The following KLRG2 variants were observed in gnomAD, a reference collection of about 807,000 sequenced individuals.
KLRG2 encodes the protein killer cell lectin like receptor G2, also known as killer cell lectin-like receptor subfamily G member 2.
In KLRG2, 39 loss-of-function variants were observed where a neutral mutation model predicts 35.4. That is an observed-to-expected ratio of 1.10 (90% CI 0.85 to 1.44). KLRG2 has a LOEUF of 1.44. KLRG2 is among the 40% of genes most tolerant of loss of function. The pLI, the probability that KLRG2 is intolerant of heterozygous loss-of-function variation, is 0.00. For missense variants in KLRG2, 632 were observed against 570.9 expected (o/e 1.11, Z -1.09); for synonymous variants, 283 against 265.8 (o/e 1.06, Z -0.63).
chr7:139,456,186 T>G (rs534077410), intron 3 of KLRG2, among the ~76,000 whole-genome samples: 8 of 152,158 alleles, frequency 5.3e-5, no homozygotes, highest in Non-Finnish European at 8.8e-5. Context: ...AGACAAGCCC[T>G]GGGAATTAGA....
rs548727211 is a variant in KLRG2 at position 139,480,859 on chromosome 7, T to G, written c.758-612A>C. On this transcript the variant is annotated intron_variant, in intron 1 of 4. Transcript: ENST00000340940. ...CCTGGGTTCAAGCAATTCTCATGCC[T>G]TAGCCTCCCAAGTAGCTGGGATTAC... Among the ~76,000 whole-genome samples the G allele has an allele frequency of 1.7e-3, 259 of 151,694 alleles. 2 individuals are homozygous for G. Among genetic ancestry groups the G allele is most frequent in the Non-Finnish European group, 2.7e-3 (183 of 67,894 alleles).
At chr7:139,449,064 C>A (rs905514950), downstream of KLRG2, among the ~76,000 whole-genome samples, 3 of 150,958 alleles carry the variant, frequency 2.0e-5, no homozygotes, top group Non-Finnish European at 4.4e-5. Context: ...CGAGATCGCA[C>A]CACTGCATTC....
the KLRG2 span, among the ~76,000 whole-genome samples, chr7:139,443,176 C>T: frequency 6.9e-6 from 1 of 145,616 alleles, no homozygotes. Flanking sequence ...CTCACTGCAA[C>T]CTCTGCCTCC....
chr7:139,479,750 G>T lies in KLRG2; in HGVS notation c.882C>A (p.Pro294=). The change falls in exon 3 of 5, where the codon CCC becomes CCA. Residue 294 remains proline, a synonymous_variant. Coordinates refer to ENST00000340940, the MANE Select transcript of KLRG2 (RefSeq NM_198508.4). ...GCTCCTCGGACAACACCCAGCCTGG[G>T]GGGCACTGCTGGCATCTGGCTCCTG... ...SRAGARCQQC[P]PGWVLSEEHC... 6.2e-7 allele frequency: 1 copy of T among 1,613,936 alleles called. No homozygotes were observed. Among genetic ancestry groups the T allele is most frequent in the Non-Finnish European group, 8.5e-7 (1 of 1,179,960 alleles).
rs142608351 is a variant in KLRG2, at chr7:139,465,177, G to A, written c.1006-10963C>T. 9.1e-3 allele frequency among the ~76,000 whole-genome samples: 1,391 copies of A among 152,252 alleles called. 26 individuals carry two copies. The highest frequency in any genetic ancestry group is 0.032 in the African/African-American group (1,320 of 41,540). On this transcript the variant is annotated intron_variant, in intron 3 of 4. Transcript: ENST00000340940. ...TCAGTGAGGCTACCACTCTGCCCCC[G>A]TCCACTACCTCTCAACTAGCCAAAC...
chr7:139,441,946 G>A, the KLRG2 span, among the ~76,000 whole-genome samples: 2 of 152,136 alleles, frequency 1.3e-5, no homozygotes, highest in African/African-American at 4.8e-5. Context: ...AGAACAAGCA[G>A]CAGAAATCCA....
chr7:139,449,194 G>A (rs964047624), downstream of KLRG2, among the ~76,000 whole-genome samples: 8 of 151,824 alleles, frequency 5.3e-5, no homozygotes, highest in African/African-American at 1.7e-4. Context: ...CTAAGATCAG[G>A]AGTTCAAGAC....
At chr7:139,433,116 T>C in the KLRG2 span, among the ~76,000 whole-genome samples, 1 of 152,216 alleles carries the variant, frequency 6.6e-6, no homozygotes, top group African/African-American at 2.4e-5. Flanking sequence ...TTTATACTGC[T>C]GTTTCTTGGC....
chr7:139,444,549 CCTT>C, the KLRG2 span, among the ~76,000 whole-genome samples: 3 of 152,176 alleles, frequency 2.0e-5, no homozygotes, highest in Non-Finnish European at 4.4e-5. Flanking sequence ...AGAGCTTGCT[CCTT>C]CTCTCCATGC....
In KLRG2 at chr7:139,453,224, C is replaced by T. The variant is rs1585160332; in HGVS notation, c.*363G>A. The T allele has an allele frequency of 2.4e-6, 1 of 416,460 alleles. No homozygotes were observed. Among genetic ancestry groups the T allele is most frequent in the South Asian group, 5.7e-5 (1 of 17,630 alleles). The allele number at this position is 416,460 out of a possible 1,614,324, so 25.8% of individuals were successfully genotyped here. On this transcript the variant is annotated 3_prime_UTR_variant, in exon 5 of 5. Transcript: ENST00000340940. ...CATTTCCATGAGCCGGAATGAGAAC[C>T]CAGATTGGAATCCGCTGTGGTTGTT...
chr7:139,479,789 T>C lies in KLRG2; in HGVS notation c.860-17A>G, dbSNP rs765610656. On this transcript the variant is annotated splice_polypyrimidine_tract_variant and intron_variant, in intron 2 of 4. Coordinates refer to ENST00000340940, the MANE Select transcript of KLRG2 (RefSeq NM_198508.4). Reference sequence around the variant, plus strand: ...ATCTGGCTCCTGCAAGCACAGAGACTGCTGGTGAGCTGCAGGGTAAGCTGC... The same window carrying C: ...ATCTGGCTCCTGCAAGCACAGAGACCGCTGGTGAGCTGCAGGGTAAGCTGC... The C allele has an allele frequency of 6.2e-7, 1 of 1,611,460 alleles. No individual in the cohort carries two copies. The highest frequency in any genetic ancestry group is 8.5e-7 in the Non-Finnish European group (1 of 1,178,630).
chr7:139,467,597 C>T (rs1436966693), intron 3 of KLRG2, among the ~76,000 whole-genome samples: 7 of 152,036 alleles, frequency 4.6e-5, no homozygotes, highest in South Asian at 2.1e-4. Flanking sequence ...GGATTAAGGG[C>T]GGTGCAAGAT....
At chr7:139,467,920 G>A (rs570705221) in intron 3 of KLRG2, among the ~76,000 whole-genome samples, 1 of 152,320 alleles carries the variant, frequency 6.6e-6, no homozygotes, top group South Asian at 2.1e-4. Context: ...TCGTCACTGG[G>A]CAATGGAATG....
the KLRG2 span, among the ~76,000 whole-genome samples, chr7:139,436,645 C>G: frequency 2.0e-5 from 3 of 152,242 alleles, no homozygotes; most frequent in Non-Finnish European, 4.4e-5. Context: ...TCCAGCCAGT[C>G]CCAAGCCCAG....
chr7:139,447,402 C>T, the KLRG2 span, among the ~76,000 whole-genome samples: 313 of 136,936 alleles, frequency 2.3e-3, 1 homozygote, highest in African/African-American at 7.8e-3. Flanking sequence ...TTGGGTCATT[C>T]TTTTTTTTTT....
At chr7:139,461,437 C>T (rs1478328218) in intron 3 of KLRG2, among the ~76,000 whole-genome samples, 2 of 152,202 alleles carry the variant, frequency 1.3e-5, no homozygotes, top group African/African-American at 4.8e-5. Context: ...GTTATCTTCA[C>T]ATCACAGGGC....
At chr7:139,464,885 G>A (rs188664660) in intron 3 of KLRG2, among the ~76,000 whole-genome samples, 24 of 152,276 alleles carry the variant, frequency 1.6e-4, no homozygotes, top group Non-Finnish European at 5.9e-5. Context: ...CCTCACACCT[G>A]ACACATATAC....
At chr7:139,470,032 G>C (rs771423733) in intron 3 of KLRG2, among the ~76,000 whole-genome samples, 2 of 151,772 alleles carry the variant, frequency 1.3e-5, no homozygotes, top group Non-Finnish European at 2.9e-5. Context: ...GTAATGCTAA[G>C]AGAAAAGAAA....
At chr7:139,447,402 CTTT>C in the KLRG2 span, among the ~76,000 whole-genome samples, 7 of 136,906 alleles carry the variant, frequency 5.1e-5, no homozygotes, top group Admixed American at 7.4e-5. Context: ...TTGGGTCATT[CTTT>C]TTTTTTTTTT....
Sources: allele counts gnomAD v4.1 joint callset (sites outside exome capture counted in the v4.1 genomes callset), GRCh38; gene constraint gnomAD v4.1.1; transcripts MANE v1.5; gene names NCBI Gene and HGNC (gene_info 2026-07-23, HGNC 2026-07-21).